The following CEP295 variants were observed in gnomAD, a reference collection of about 807,000 sequenced individuals.
CEP295 encodes the protein centrosomal protein of 295 kDa.
CEP295 carries 190 observed loss-of-function variants against 291.6 expected under a neutral mutation model. The ratio of observed to expected loss-of-function variants is 0.65; its 90% CI spans 0.58 to 0.73. CEP295 has a LOEUF of 0.73. Among genes scored for constraint, CEP295 ranks in the 30% least tolerant of loss-of-function variants. CEP295 has a pLI of 0.00. For missense variants in CEP295, 2,863 were observed against 2,949.4 expected (o/e 0.97, Z 0.68); for synonymous variants, 993 against 1,038.8 (o/e 0.96, Z 0.85).
intron 3 of CEP295, 25 bp downstream of exon 3, chr11:93,667,832 C>T (rs2134783990): frequency 6.9e-7 from 1 of 1,440,994 alleles, no homozygotes; most frequent in Non-Finnish European, 9.4e-7. Flanking sequence ...ATTTGACTAC[C>T]CTGTTGTGGC....
intron 18 of CEP295, among the ~76,000 whole-genome samples, chr11:93,708,771 C>T (rs1053920185): frequency 2.0e-5 from 3 of 152,158 alleles, no homozygotes; most frequent in East Asian, 1.9e-4. Context: ...TTCCCACCAA[C>T]GGTGTTCCCT....
chr11:93,676,227 G>T (rs1202706222), intron 6 of CEP295, among the ~76,000 whole-genome samples: 1 of 151,854 alleles, frequency 6.6e-6, no homozygotes, highest in African/African-American at 2.4e-5. Flanking sequence ...GAAAGTATTG[G>T]CTCCAAACTG....
chr11:93,682,242 G>A (rs1951010789), intron 7 of CEP295, among the ~76,000 whole-genome samples: 1 of 151,274 alleles, frequency 6.6e-6, no homozygotes. Context: ...TTTATTTTTT[G>A]AGACAGTGTC....
At chr11:93,722,824 C>T (rs1953840939) in intron 20 of CEP295, 1 of 394,168 alleles carries the variant, frequency 2.5e-6, no homozygotes, top group East Asian at 4.6e-5. Context: ...ATGGTGCAAT[C>T]TCGGCTCTCC....
Position 93,699,841 on chromosome 11 carries a change from C to G in CEP295, c.4929C>G (p.Pro1643=). ...GTGAATCTGCTGAGCATACTATCCC[C>G]TCTTTGTTTCTACCCAAGGAAACAG... ...NKSESAEHTI[P]SLFLPKETEH... The change falls in exon 15 of 30, where the codon CCC becomes CCG. Residue 1643 remains proline (P), a synonymous_variant. Transcript: ENST00000325212. 1 of 1,552,242 alleles carries G rather than the reference C, an allele frequency of 6.4e-7. No homozygotes were observed. The highest frequency in any genetic ancestry group is 8.7e-7 in the Non-Finnish European group (1 of 1,147,094).
At chr11:93,692,730 T>C (rs113988391) in intron 12 of CEP295, among the ~76,000 whole-genome samples, 12 of 152,190 alleles carry the variant, frequency 7.9e-5, no homozygotes, top group African/African-American at 2.4e-4. Context: ...CCCAGCACTT[T>C]GGGAGGCTGA....
intron 2 of CEP295, 148 bp downstream of exon 2, chr11:93,666,963 A>G (rs1238319250): frequency 5.8e-6 from 3 of 513,486 alleles, no homozygotes; most frequent in African/African-American, 3.8e-5. Flanking sequence ...TAGTTTTGGA[A>G]CACTTGAAAA....
rs376388794 is a variant in CEP295, at chr11:93,718,092, G to C, written c.5750-3220G>C. On this transcript the variant is annotated intron_variant, in intron 18 of 29. Transcript: ENST00000325212. ...CCACCCGGTTAATTTTTTAATTTTT[G>C]TAGAGACAGGGTCTCACTGTGTTGT... 1.1e-4 allele frequency among the ~76,000 whole-genome samples: 17 copies of C among 152,156 alleles called. No homozygotes were observed. In the South Asian group the frequency reaches 1.7e-3, roughly 15 times the overall value.
Position 93,697,197 on chromosome 11 carries a change from G to A in CEP295, c.2285G>A (p.Ser762Asn). Residue 762 changes from serine to asparagine, a missense_variant, in exon 15 of 30, where the codon AGT becomes AAT. Physicochemically the swap from Ser to Asn is conservative, Grantham distance 46. Coordinates refer to ENST00000325212, the MANE Select transcript of CEP295 (RefSeq NM_033395.2). ...ACATTTGGGGCAACAACTTTTCAAA[G>A]TTTAGAATCCCAACAATTGTTCTCA... The part of the protein sequence containing the change: ...SETFGATTFQ[S>N]LESQQLFSEN... 6.4e-7 allele frequency: 1 copy of A among 1,551,790 alleles called. No individual in the cohort carries two copies. The highest frequency in any genetic ancestry group is 8.7e-7 in the Non-Finnish European group (1 of 1,147,016).
intron 19 of CEP295, chr11:93,721,724 A>AT: frequency 1.4e-6 from 1 of 700,902 alleles, no homozygotes; most frequent in South Asian, 1.4e-5. Context: ...TTATAAAGAT[A>AT]ACAGCTGTAG....
chr11:93,702,251 G>A (rs1235179876), intron 15 of CEP295, among the ~76,000 whole-genome samples: 1 of 152,102 alleles, frequency 6.6e-6, no homozygotes. Context: ...GAGCCACCGC[G>A]CCTGGCCGAA....
Position 93,724,389 on chromosome 11 carries a change from G to A in CEP295, c.6318+14G>A. 2 of 1,545,904 alleles carry A rather than the reference G, an allele frequency of 1.3e-6. No homozygotes were observed. Among genetic ancestry groups the A allele is most frequent in the Non-Finnish European group, 1.7e-6 (2 of 1,143,180 alleles). On this transcript the variant is annotated intron_variant, in intron 22 of 29. Transcript: ENST00000325212. ...GACTTTTACCAGGTATATTAAAGTAGATGTCCCATTGCAGTGAATATCTAA... is the reference window on the plus strand; with the variant it reads ...GACTTTTACCAGGTATATTAAAGTAAATGTCCCATTGCAGTGAATATCTAA...
intron 18 of CEP295, among the ~76,000 whole-genome samples, chr11:93,709,634 G>T (rs1952759791): frequency 6.6e-6 from 1 of 152,036 alleles, no homozygotes; most frequent in African/African-American, 2.4e-5. Context: ...TGGGTCTTTT[G>T]TGGTTCCATA....
Position 93,684,116 on chromosome 11 carries a change from AG to A in CEP295, c.1103del (p.Ser368MetfsTer8). On this transcript the variant is annotated frameshift_variant, in exon 9 of 30. Coordinates refer to ENST00000325212, the MANE Select transcript of CEP295 (RefSeq NM_033395.2). LOFTEE classifies it high-confidence loss of function. Reference protein sequence around the residue: ...LPVTEAEICSSETDVPLVMKT... With the variant: ...LPVTEAEICSXETDVPLVMKT... ...AGTGACAGAAGCTGAAATATGTTCT[AG>A]TGAAACAGATGGTAAAAACCCTTCT... 1 of 1,551,158 alleles carries A rather than the reference AG, an allele frequency of 6.4e-7. No individual in the cohort carries two copies. Among genetic ancestry groups the A allele is most frequent in the Non-Finnish European group, 8.7e-7 (1 of 1,146,790 alleles).
Position 93,696,809 on chromosome 11 carries a change from T to C in CEP295, c.1897T>C (p.Trp633Arg), listed in dbSNP as rs966870257. ...ITDSVISVPS[W>R]KSERPTAISE... ...TGATTCTGTTATATCAGTGCCATCA[T>C]GGAAATCTGAGAGACCGACTGCTAT... is the stretch of plus-strand genomic sequence containing the variant. Residue 633 changes from tryptophan (W) to arginine (R), a missense_variant, in exon 15 of 30, where the codon TGG becomes CGG. By Grantham distance (101) the Trp-to-Arg change is moderately radical. Transcript: ENST00000325212. 1.3e-6 allele frequency: 2 copies of C among 1,551,734 alleles called. No homozygotes were observed. The highest frequency in any genetic ancestry group is 1.7e-4 in the Middle Eastern group (1 of 5,992).
Position 93,691,714 on chromosome 11 carries a change from T to A in CEP295, c.1368T>A (p.Ser456=). The change falls in exon 11 of 30, where the codon TCT becomes TCA. Residue 456 remains serine, a synonymous_variant. Coordinates refer to ENST00000325212, the MANE Select transcript of CEP295 (RefSeq NM_033395.2). Reference sequence around the variant, plus strand: ...AAAGTGATACACTAACAATTGAGTCTGGACCACTTGCTAGTGAAGATAAAC... The same window carrying A: ...AAAGTGATACACTAACAATTGAGTCAGGACCACTTGCTAGTGAAGATAAAC... ...VVESDTLTIE[S]GPLASEDKPL... 6.5e-7 allele frequency: 1 copy of A among 1,546,738 alleles called. No homozygotes were observed. Among genetic ancestry groups the A allele is most frequent in the East Asian group, 2.4e-5 (1 of 40,822 alleles).
At chr11:93,717,477 T>C (rs1198325347) in intron 18 of CEP295, among the ~76,000 whole-genome samples, 2 of 152,092 alleles carry the variant, frequency 1.3e-5, no homozygotes, top group East Asian at 3.9e-4. Flanking sequence ...TTTTAGGGGA[T>C]TGGGAGAAGG....
At chr11:93,675,547 ATTT>A in intron 5 of CEP295, 21 bp from the exon 6 acceptor site, 1 of 1,304,468 alleles carries the variant, frequency 7.7e-7, no homozygotes, top group Non-Finnish European at 1.0e-6. Flanking sequence ...CTTTTAACCT[ATTT>A]TTTTATGTTC....
intron 7 of CEP295, among the ~76,000 whole-genome samples, chr11:93,682,596 TAA>T (rs76550881): frequency 6.7e-6 from 1 of 149,334 alleles, no homozygotes; most frequent in Non-Finnish European, 1.5e-5. Context: ...AGAAGGTTGT[TAA>T]AAAAAAAAAC....
Sources: allele counts gnomAD v4.1 joint callset (sites outside exome capture counted in the v4.1 genomes callset), GRCh38; gene constraint gnomAD v4.1.1; transcripts MANE v1.5; gene names NCBI Gene and HGNC (gene_info 2026-07-23, HGNC 2026-07-21).